Variants in MINK1 observed in about 807,000 individuals in gnomAD.
MINK1 encodes misshapen-like kinase 1.
A neutral mutation model predicts 178.4 loss-of-function variants in MINK1; 46 were observed. The ratio of observed to expected loss-of-function variants is 0.26; its 90% confidence interval spans 0.20 to 0.33. The LOEUF (loss-of-function observed/expected upper bound fraction) is 0.33, where lower values mean the gene tolerates loss of function less well. Ranked by LOEUF, MINK1 falls within the 10% of genes least tolerant of loss-of-function variation. The probability of loss-of-function intolerance (pLI) is 1.00; values close to 1 mark genes in which losing one functional copy is unlikely to be tolerated. For synonymous variants in MINK1, 797 were observed against 709.7 expected (o/e 1.12, Z -1.96); for missense variants, 1,366 against 1,814.9 (o/e 0.75, Z 4.49).
At chr17:4,868,993 T>G in intron 1 of MINK1, 1 of 155,636 alleles carries the variant, frequency 6.4e-6, no homozygotes, top group South Asian at 1.6e-4. Flanking sequence ...GCGTAATCTC[T>G]GCTCACTGCA....
chr17:4,843,481 A>C (rs1033394915), intron 1 of MINK1, among the ~76,000 whole-genome samples: 2 of 151,780 alleles, frequency 1.3e-5, no homozygotes, highest in Non-Finnish European at 2.9e-5. Context: ...CCGTCACAAA[A>C]AAAAAAGAAA....
rs775689743 is a variant in MINK1 at position 4,885,988 on chromosome 17, G to C, written c.694+23G>C. The stretch of plus-strand genomic sequence containing the variant: ...CCCGTAAGTTCTGAGTCTGCCGGGA[G>C]TGGGAGGGGAGGGAAAGGAAGGGCC... On this transcript the variant is annotated intron_variant, in intron 8 of 31. Coordinates refer to ENST00000355280, the MANE Select transcript of MINK1 (RefSeq NM_153827.5). This position sits in a 1 kb window ranked among gnomAD's most constrained non-coding sequence, Gnocchi z 5.0. The C allele has an allele frequency of 1.2e-6, 2 of 1,613,702 alleles. No homozygotes were observed. The highest frequency in any genetic ancestry group is 1.7e-5 in the Admixed American group (1 of 60,018).
At chr17:4,844,579 G>A in intron 1 of MINK1, 1 of 512,826 alleles carries the variant, frequency 1.9e-6, no homozygotes, top group African/African-American at 1.9e-5. Context: ...ACCTCAGCCT[G>A]AGCTGAACAG....
chr17:4,887,752 A>C lies in MINK1; in HGVS notation c.1192A>C (p.Ile398Leu). The C allele has an allele frequency of 6.5e-7, 1 of 1,544,296 alleles. No individual in the cohort carries two copies. The highest frequency in any genetic ancestry group is 8.7e-7 in the Non-Finnish European group (1 of 1,144,172). ...CCTGCTGCACCAGCGGCAGCGGCGC[A>C]TAGAGGAGCAGAAGGAGGAGCGGCG... ...KHLLHQRQRR[I>L]EEQKEERRRV... Residue 398 changes from isoleucine (I) to leucine (L), a missense_variant, in exon 12 of 32, where the codon ATA (isoleucine) becomes CTA (leucine). Ile to Leu is a conservative substitution (Grantham distance 5, BLOSUM62 2). Coordinates refer to ENST00000355280, the MANE Select transcript of MINK1 (RefSeq NM_153827.5). This position sits in a 1 kb window ranked among gnomAD's most constrained non-coding sequence, Gnocchi z 7.6.
intron 1 of MINK1, among the ~76,000 whole-genome samples, chr17:4,855,549 G>A (rs1199220658): frequency 2.0e-5 from 3 of 147,102 alleles, no homozygotes; most frequent in East Asian, 2.0e-4. Flanking sequence ...TTGGGAGGCC[G>A]AGGCGGGCGG....
intron 1 of MINK1, among the ~76,000 whole-genome samples, chr17:4,864,623 G>C (rs1402738346): frequency 1.3e-5 from 2 of 152,092 alleles, no homozygotes; most frequent in African/African-American, 2.4e-5. Context: ...TACTGGGGAG[G>C]CTGAGGCAGG....
Position 4,836,112 on chromosome 17 carries a change from T to C in MINK1, c.57+2472T>C, listed in dbSNP as rs1909269480. Among the ~76,000 whole-genome samples, 1 of 152,174 alleles carries C rather than the reference T, an allele frequency of 6.6e-6. No homozygotes were observed. The highest frequency in any genetic ancestry group is 2.1e-4 in the South Asian group (1 of 4,832). Reference sequence around the variant, plus strand: ...TGGCACTGTCAAGCAGCTAGTGTGGTCATCTCTTGTGCTATTCCTGTCTGT... The same window carrying C: ...TGGCACTGTCAAGCAGCTAGTGTGGCCATCTCTTGTGCTATTCCTGTCTGT... On this transcript the variant is annotated intron_variant, in intron 1 of 31. Transcript: ENST00000355280. The surrounding 1 kb of genome is among the most constrained non-coding windows in gnomAD (Gnocchi z 4.3).
chr17:4,893,369 C>T lies in MINK1; in HGVS notation c.2401-65C>T, dbSNP rs1969074376. 11 of 1,610,068 alleles carry T rather than the reference C, an allele frequency of 6.8e-6. No homozygotes were observed. The Admixed American group carries it at 1.5e-4, about 22-fold the overall frequency. ...CTGTCGCCCTGCTGGGGTGTCCCGGCACCCTTTGTCTACCTCCACCCAGGC... is the reference window on the plus strand; with the variant it reads ...CTGTCGCCCTGCTGGGGTGTCCCGGTACCCTTTGTCTACCTCCACCCAGGC... On this transcript the variant is annotated intron_variant, in intron 20 of 31. Transcript: ENST00000355280.
intron 16 of MINK1, among the ~76,000 whole-genome samples, 162 bp downstream of exon 16, chr17:4,891,878 C>T (rs1479949418): frequency 2.0e-5 from 3 of 152,156 alleles, no homozygotes; most frequent in Admixed American, 6.5e-5. Context: ...GAGGACGCGA[C>T]GTGGAGGGGT....
chr17:4,886,768 C>A lies in MINK1; in HGVS notation c.949+142C>A. 1.0e-6 allele frequency: 1 copy of A among 979,676 alleles called. No homozygotes were observed. The highest frequency in any genetic ancestry group is 1.5e-6 in the Non-Finnish European group (1 of 686,772). The allele number at this position is 979,676 out of a possible 1,614,324, so 60.7% of individuals were successfully genotyped here. On this transcript the variant is annotated intron_variant, in intron 10 of 31. Coordinates refer to ENST00000355280, the MANE Select transcript of MINK1 (RefSeq NM_153827.5). This position sits in a 1 kb window ranked among gnomAD's most constrained non-coding sequence, Gnocchi z 6.1. Reference sequence around the variant, plus strand: ...CCTGTCCAAGGAGATCGTTCTCAAACTTGCAACCCCCAAGGGGTTTTCCCT... The same window carrying A: ...CCTGTCCAAGGAGATCGTTCTCAAAATTGCAACCCCCAAGGGGTTTTCCCT...
chr17:4,892,897 G>A (rs1969005488), intron 19 of MINK1, 82 bp from the exon 20 acceptor site: 1 of 1,417,956 alleles, frequency 7.1e-7, no homozygotes, highest in Non-Finnish European at 9.7e-7. Context: ...GGAACTTGGG[G>A]CTGAGTTCTG....
intron 1 of MINK1, among the ~76,000 whole-genome samples, chr17:4,835,394 G>A (rs1440077127): frequency 2.0e-5 from 3 of 152,156 alleles, no homozygotes; most frequent in African/African-American, 7.2e-5. Flanking sequence ...TTGGGAGGCC[G>A]AGGTGGGGCA....
intron 2 of MINK1, among the ~76,000 whole-genome samples, 191 bp from the exon 3 acceptor site, chr17:4,880,793 G>A (rs140514541): frequency 3.3e-5 from 5 of 152,022 alleles, no homozygotes; most frequent in African/African-American, 7.2e-5. Context: ...CCAGCTATCC[G>A]GGAGGCTGAG....
intron 19 of MINK1, 89 bp downstream of exon 19, chr17:4,892,857 C>A: frequency 1.4e-6 from 2 of 1,405,632 alleles, no homozygotes; most frequent in Non-Finnish European, 2.0e-6. Context: ...CTGGGGCACC[C>A]ACACGGACAG....
At chr17:4,881,284 C>T in intron 4 of MINK1, 27 bp downstream of exon 4, 1 of 1,534,550 alleles carries the variant, frequency 6.5e-7, no homozygotes. Context: ...TGCCCGCCTT[C>T]CCTCCCCGCA....
At chr17:4,859,420 G>A (rs1913756489) in intron 1 of MINK1, 3 of 618,964 alleles carry the variant, frequency 4.8e-6, no homozygotes, top group South Asian at 1.4e-4. Flanking sequence ...TTCTCAGGAT[G>A]TTAATTCTGT....
At chr17:4,870,218 T>C (rs1325144506) in intron 1 of MINK1, among the ~76,000 whole-genome samples, 1 of 150,738 alleles carries the variant, frequency 6.6e-6, no homozygotes, top group Non-Finnish European at 1.5e-5. Context: ...GGCCAATTTT[T>C]TTTTTTTTTT....
chr17:4,896,887 G>T lies in MINK1; in HGVS notation c.3915+74G>T. 6.7e-7 allele frequency: 1 copy of T among 1,488,828 alleles called. No individual in the cohort carries two copies. The highest frequency in any genetic ancestry group is 8.9e-7 in the Non-Finnish European group (1 of 1,120,880). The allele number at this position is 1,488,828 out of a possible 1,614,324, so 92.2% of individuals were successfully genotyped here. A position where few individuals can be genotyped will look rare whatever the true frequency, so the allele number is the denominator to read the frequency against. ...CCCTAGGCCCCTGGGCAGAGTTCTG[G>T]GGAGAGGATGGTGGTGGTGGCTTCC... is the stretch of plus-strand genomic sequence containing the variant. On this transcript the variant is annotated intron_variant, in intron 31 of 31. Coordinates refer to ENST00000355280, the MANE Select transcript of MINK1 (RefSeq NM_153827.5). This position sits in a 1 kb window ranked among gnomAD's most constrained non-coding sequence, Gnocchi z 4.6.
chr17:4,896,424 CCCAGAT>C lies in MINK1; in HGVS notation c.3617_3622del (p.Ile1206_Gln1207del). ...GGAGACTCTAGTCCCCCTCCTTCTC[CCCAGAT>C]CCAGAGCCAGATCACGCCCCATGCC... is the stretch of plus-strand genomic sequence containing the variant. On this transcript the variant is annotated splice_acceptor_variant and splice_polypyrimidine_tract_variant and coding_sequence_variant and intron_variant, in exon 30 of 32. Transcript: ENST00000355280. LOFTEE classifies it high-confidence loss of function. This position sits in a 1 kb window ranked among gnomAD's most constrained non-coding sequence, Gnocchi z 4.6. 1 of 1,613,708 alleles carries C rather than the reference CCCAGAT, an allele frequency of 6.2e-7. No homozygotes were observed. Among genetic ancestry groups the C allele is most frequent in the Admixed American group, 1.7e-5 (1 of 59,996 alleles).
Sources: gnomAD v4.1 joint callset for allele counts (sites outside exome capture counted in the v4.1 genomes callset) on GRCh38, gnomAD v4.1.1 for gene constraint, Gnocchi (gnomAD v3.1) non-coding constraint, MANE v1.5 for transcripts, NCBI Gene and HGNC (gene_info 2026-07-23, HGNC 2026-07-21) for gene names.